The following TRAF2 variants were observed in gnomAD, a reference collection of about 807,000 sequenced individuals.
TRAF2 encodes TNF receptor associated factor 2, also known as TNF receptor-associated factor 2.
TRAF2 carries 6 observed loss-of-function variants against 55.6 expected under a neutral mutation model. That is an observed-to-expected ratio of 0.11 (90% CI 0.06 to 0.21). The LOEUF is 0.21. TRAF2 is among the 10% of genes least tolerant of loss of function. TRAF2 has a pLI of 1.00. For synonymous variants in TRAF2, 329 were observed against 276.3 expected (o/e 1.19, Z -1.89); for missense variants, 561 against 684.5 (o/e 0.82, Z 2.01).
In TRAF2 at chr9:136,886,561, G is replaced by C. The variant is rs1326250778; in HGVS notation, c.-29+20G>C. 2 of 983,542 alleles carry C rather than the reference G, an allele frequency of 2.0e-6. No homozygotes were observed. Among genetic ancestry groups the C allele is most frequent in the South Asian group, 9.1e-5 (2 of 22,098 alleles). The allele number at this position is 983,542 out of a possible 1,614,324, so 60.9% of individuals were successfully genotyped here. On this transcript the variant is annotated intron_variant, in intron 1 of 10. Transcript: ENST00000247668. ...CGTTGGGTGAGGCGAGCGCGGGGTCGGGTGCGGGGTCGGGCGCGGGCGCGG... is the reference window on the plus strand; with the variant it reads ...CGTTGGGTGAGGCGAGCGCGGGGTCCGGTGCGGGGTCGGGCGCGGGCGCGG...
intron 4 of TRAF2, among the ~76,000 whole-genome samples, chr9:136,904,601 G>T (rs1348538662): frequency 1.3e-5 from 2 of 151,916 alleles, no homozygotes; most frequent in Non-Finnish European, 2.9e-5. Context: ...TAGAGACGGG[G>T]TTTCACTGTG....
intron 4 of TRAF2, among the ~76,000 whole-genome samples, chr9:136,905,100 G>A (rs1849915260): frequency 1.3e-5 from 2 of 152,224 alleles, no homozygotes; most frequent in African/African-American, 4.8e-5. Flanking sequence ...CCCCTCTTGG[G>A]GGAAGTAGCA....
At chr9:136,894,722 G>A (rs1238637219) in intron 1 of TRAF2, among the ~76,000 whole-genome samples, 1 of 152,174 alleles carries the variant, frequency 6.6e-6, no homozygotes, top group African/African-American at 2.4e-5. Flanking sequence ...AGGAGGAGCA[G>A]AGAGCAGGGT....
chr9:136,900,310 T>C (rs1320373611), intron 3 of TRAF2, 112 bp from the exon 4 acceptor site: 6 of 666,206 alleles, frequency 9.0e-6, no homozygotes, highest in Admixed American at 3.1e-5. Flanking sequence ...TGGAGTGGCC[T>C]GGAAAGGCGA....
intron 7 of TRAF2, among the ~76,000 whole-genome samples, chr9:136,918,364 G>A (rs1197633918): frequency 6.6e-6 from 1 of 151,028 alleles, no homozygotes; most frequent in African/African-American, 2.4e-5. Flanking sequence ...CTGCCTCCCG[G>A]GTTCAAACAA....
At chr9:136,889,793 T>A (rs982272419) in intron 1 of TRAF2, 5 of 151,360 alleles carry the variant, frequency 3.3e-5, no homozygotes, top group Non-Finnish European at 7.4e-5. Context: ...CCCACACTTA[T>A]TCAGTCGGTC....
intron 1 of TRAF2, among the ~76,000 whole-genome samples, chr9:136,887,156 C>T (rs1033743891): frequency 1.3e-5 from 2 of 152,076 alleles, no homozygotes; most frequent in Non-Finnish European, 2.9e-5. Flanking sequence ...CTGGGAGGGT[C>T]GGGGGCAGCA....
intron 5 of TRAF2, among the ~76,000 whole-genome samples, chr9:136,909,106 T>C (rs2131309224): frequency 6.6e-6 from 1 of 152,298 alleles, no homozygotes; most frequent in Non-Finnish European, 1.5e-5. Flanking sequence ...ATTTTTGTCT[T>C]AGAAAAGTCT....
At chr9:136,884,911 C>T (rs1849417328), upstream of TRAF2, among the ~76,000 whole-genome samples, 1 of 152,210 alleles carries the variant, frequency 6.6e-6, no homozygotes, top group Non-Finnish European at 1.5e-5. Flanking sequence ...TTTGAGCCTC[C>T]CAGGTGCAGC....
chr9:136,907,995 G>T, intron 4 of TRAF2, 75 bp from the exon 5 acceptor site: 1 of 1,532,154 alleles, frequency 6.5e-7, no homozygotes, highest in Non-Finnish European at 8.8e-7. Context: ...ACATCGCCTT[G>T]TGTCCCCGGG....
intron 9 of TRAF2, among the ~76,000 whole-genome samples, chr9:136,923,651 A>G (rs1017327656): frequency 4.2e-4 from 61 of 146,164 alleles, no homozygotes; most frequent in Admixed American, 3.4e-4. Context: ...TCTAAGTACT[A>G]CCTTTTTTTT....
intron 1 of TRAF2, chr9:136,889,689 C>T (rs1849534729): frequency 6.6e-6 from 1 of 152,178 alleles, no homozygotes; most frequent in Non-Finnish European, 1.5e-5. Flanking sequence ...GAACTCCTGG[C>T]CTGAAGTGAT....
chr9:136,918,577 C>T (rs766854570), intron 7 of TRAF2, among the ~76,000 whole-genome samples: 9 of 151,728 alleles, frequency 5.9e-5, no homozygotes, highest in Admixed American at 1.3e-4. Context: ...GGCATGACCG[C>T]GCCTGGCCTC....
chr9:136,923,994 C>T lies in TRAF2; in HGVS notation c.1281C>T (p.Asn427=), dbSNP rs759268038. The T allele has an allele frequency of 1.1e-5, 18 of 1,613,028 alleles. No homozygotes were observed. In the South Asian group the frequency reaches 2.0e-4, roughly 18 times the overall value. ...ACGCCCTGCTGCGGTGGCCCTTCAA[C>T]CAGAAGGTGAGGCCGTCCCTGCAGG... The part of the protein sequence containing the change: ...PNDALLRWPF[N]QKVTLMLLDQ... The change falls in exon 10 of 11, where the codon AAC becomes AAT. Residue 427 remains asparagine, a synonymous_variant. Transcript: ENST00000247668.
At chr9:136,890,558 A>G (rs975214295) in intron 1 of TRAF2, 1 of 152,268 alleles carries the variant, frequency 6.6e-6, no homozygotes, top group East Asian at 1.9e-4. Context: ...TGCTAGGCAC[A>G]GTGGAAGTCG....
intron 1 of TRAF2, chr9:136,890,422 G>C (rs1427001801): frequency 6.6e-6 from 1 of 152,238 alleles, no homozygotes; most frequent in Non-Finnish European, 1.5e-5. Flanking sequence ...CATGCCGTCC[G>C]GCCGCGCACC....
At chr9:136,913,904 G>A (rs1439344914) in intron 6 of TRAF2, among the ~76,000 whole-genome samples, 1 of 152,050 alleles carries the variant, frequency 6.6e-6, no homozygotes, top group African/African-American at 2.4e-5. Context: ...ACATGTGCAG[G>A]GCTGAGCCGA....
At chr9:136,908,042 T>A (rs938399717) in intron 4 of TRAF2, 28 bp from the exon 5 acceptor site, 1 of 1,587,036 alleles carries the variant, frequency 6.3e-7, no homozygotes, top group African/African-American at 1.3e-5. Context: ...ACGCGAGTTC[T>A]ACTGACGCTT....
intron 9 of TRAF2, 59 bp downstream of exon 9, chr9:136,921,274 C>G (rs1850378731): frequency 2.5e-6 from 4 of 1,600,740 alleles, no homozygotes; most frequent in African/African-American, 2.7e-5. Flanking sequence ...CCTGGGTCCC[C>G]TCACCCCTGT....
Sources: gnomAD v4.1 joint callset for allele counts (sites outside exome capture counted in the v4.1 genomes callset) on GRCh38, gnomAD v4.1.1 for gene constraint, MANE v1.5 for transcripts, NCBI Gene and HGNC (gene_info 2026-07-23, HGNC 2026-07-21) for gene names.